Variants in CDH2 observed in about 807,000 individuals in gnomAD.
CDH2 encodes the protein cadherin 2.
Under a neutral mutation model 92.0 loss-of-function variants are expected in CDH2, and 17 were observed. The observed-to-expected ratio is 0.18, with a 90% CI of 0.13 to 0.28. CDH2 has a LOEUF of 0.28. Ranked by LOEUF, CDH2 falls within the 10% of genes least tolerant of loss-of-function variation. The pLI is 1.00. For missense variants in CDH2, 862 were observed against 1,133.1 expected, an observed-to-expected ratio of 0.76 and a Z score of 3.44; for synonymous variants, 419 against 415.9, an observed-to-expected ratio of 1.01 and a Z score of -0.09.
At chr18:28,091,264 C>T (rs533978095) in intron 2 of CDH2, among the ~76,000 whole-genome samples, 1 of 152,270 alleles carries the variant, frequency 6.6e-6, no homozygotes, top group South Asian at 2.1e-4. Flanking sequence ...TGTACTTTCT[C>T]CTCAATCCCT....
rs1439207761 is a variant in CDH2 at position 27,958,074 on chromosome 18, G to A, written c.2514+5283C>T. On this transcript the variant is annotated intron_variant, in intron 15 of 15. Transcript: ENST00000269141. ...AAAGATAATCTCGTTTAGTTCTCAC[G>A]CAATCTTAAAAGGAGGTTCTATTAC... 7.2e-5 allele frequency among the ~76,000 whole-genome samples: 11 copies of A among 152,038 alleles called. No homozygotes were observed. In the East Asian group the frequency reaches 1.4e-3, roughly 19 times the overall value.
chr18:27,963,655 G>A, intron 14 of CDH2, 134 bp from the exon 15 acceptor site: 1 of 674,636 alleles, frequency 1.5e-6, no homozygotes, highest in Non-Finnish European at 2.5e-6. Flanking sequence ...TTGCCACTAT[G>A]AGTTTTTCAT....
rs374197611 is a variant in CDH2 at position 27,988,413 on chromosome 18, A to G, written c.1741+111T>C. ...AATAAAAGCTGGACCTCGGAATTAT[A>G]AAAGTCAGTTTTCCAGGCAATTGAG... On this transcript the variant is annotated intron_variant, in intron 11 of 15. Transcript: ENST00000269141. 8 of 876,654 alleles carry G rather than the reference A, an allele frequency of 9.1e-6. No homozygotes were observed. In the South Asian group the frequency reaches 1.1e-4, roughly 12 times the overall value. 54.3% of individuals were successfully genotyped at this position (876,654 alleles called of 1,614,324 possible). A position where few individuals can be genotyped will look rare whatever the true frequency, so the allele number is the denominator to read the frequency against.
chr18:28,049,283 A>C (rs2014142677), intron 2 of CDH2, among the ~76,000 whole-genome samples: 1 of 152,220 alleles, frequency 6.6e-6, no homozygotes, highest in Non-Finnish European at 1.5e-5. Context: ...GACTACACAG[A>C]AACGTGCTAT....
At chr18:28,152,121 G>A (rs987804142) in intron 1 of CDH2, among the ~76,000 whole-genome samples, 2 of 152,118 alleles carry the variant, frequency 1.3e-5, no homozygotes, top group Non-Finnish European at 2.9e-5. Context: ...GTTAAGTTCC[G>A]TATCACATTG....
intron 15 of CDH2, among the ~76,000 whole-genome samples, chr18:27,953,015 A>G (rs1884370885): frequency 6.6e-6 from 1 of 152,214 alleles, no homozygotes; most frequent in East Asian, 1.9e-4. Context: ...TGATTACTAC[A>G]TAAAGGGAGG....
At position 28,176,945 on chromosome 18, in the gene CDH2, G is replaced by T. The variant is rs2144382166; in HGVS notation, c.60+18C>A. On this transcript the variant is annotated intron_variant, in intron 1 of 15. Transcript: ENST00000269141. ...CCCCACCCCGCCCGTGGCCCGGCCC[G>T]CGGGGACCGCCGCGTACCTGAAGCA... 3 of 1,211,894 alleles carry T rather than the reference G, an allele frequency of 2.5e-6. No homozygotes were observed. Among genetic ancestry groups the T allele is most frequent in the Admixed American group, 3.6e-5 (1 of 27,398 alleles). 75.1% of individuals were successfully genotyped at this position (1,211,894 alleles called of 1,614,324 possible).
intron 2 of CDH2, among the ~76,000 whole-genome samples, chr18:28,135,965 T>C (rs537599107): frequency 1.3e-5 from 2 of 152,324 alleles, no homozygotes; most frequent in African/African-American, 4.8e-5. Flanking sequence ...AATACATAGT[T>C]ACTTCCTTAC....
intron 2 of CDH2, among the ~76,000 whole-genome samples, chr18:28,082,546 T>C (rs1231946412): frequency 6.6e-6 from 1 of 152,148 alleles, no homozygotes; most frequent in African/African-American, 2.4e-5. Context: ...TTTTAATAGG[T>C]ACCCCCCATT....
At chr18:27,989,753 T>C (rs1459645044) in intron 10 of CDH2, among the ~76,000 whole-genome samples, 1 of 152,172 alleles carries the variant, frequency 6.6e-6, no homozygotes, top group Admixed American at 6.5e-5. Flanking sequence ...ATAAATGTTA[T>C]AAGCCTCTGA....
At position 28,177,090 on chromosome 18, in the gene CDH2, A is replaced by T. The variant is rs903474911; in HGVS notation, c.-68T>A. 3 of 1,197,368 alleles carry T rather than the reference A, an allele frequency of 2.5e-6. No individual in the cohort carries two copies. The Admixed American group carries it at 6.8e-5, about 27-fold the overall frequency. The allele number at this position is 1,197,368 out of a possible 1,614,324, so 74.2% of individuals were successfully genotyped here. A position where few individuals can be genotyped will look rare whatever the true frequency, so the allele number is the denominator to read the frequency against. ...GCGGCGGCGGCGGCGGCGGAGGAGGAGGAGGCAGCGGCAGCACCAACAGCG... is the reference window on the plus strand; with the variant it reads ...GCGGCGGCGGCGGCGGCGGAGGAGGTGGAGGCAGCGGCAGCACCAACAGCG... On this transcript the variant is annotated 5_prime_UTR_variant, in exon 1 of 16. Transcript: ENST00000269141.
At chr18:28,027,926 T>C (rs1266727379) in intron 2 of CDH2, among the ~76,000 whole-genome samples, 1 of 151,824 alleles carries the variant, frequency 6.6e-6, no homozygotes, top group Non-Finnish European at 1.5e-5. Flanking sequence ...TCTTTCAGAG[T>C]ACAGGTGGCG....
At chr18:28,010,029 G>A (rs1291846648) in intron 4 of CDH2, among the ~76,000 whole-genome samples, 157 bp from the exon 5 acceptor site, 2 of 152,098 alleles carry the variant, frequency 1.3e-5, no homozygotes, top group Non-Finnish European at 2.9e-5. Context: ...TTCTTCCTCT[G>A]CTTCTCAGTG....
intron 5 of CDH2, among the ~76,000 whole-genome samples, chr18:28,009,065 T>A (rs950887784): frequency 2.6e-5 from 4 of 151,848 alleles, no homozygotes; most frequent in African/African-American, 9.7e-5. Context: ...TATCCTGGAG[T>A]AAAACTGGGG....
intron 2 of CDH2, among the ~76,000 whole-genome samples, chr18:28,065,996 G>C (rs893182976): frequency 6.6e-6 from 1 of 152,178 alleles, no homozygotes; most frequent in Admixed American, 6.5e-5. Context: ...GGTGGAGCTA[G>C]GGGGATGACA....
chr18:28,172,087 G>T (rs2016473204), intron 1 of CDH2, among the ~76,000 whole-genome samples: 1 of 151,802 alleles, frequency 6.6e-6, no homozygotes, highest in Non-Finnish European at 1.5e-5. Flanking sequence ...GTGTGTGTGT[G>T]TGTGTGTGTG....
intron 6 of CDH2, among the ~76,000 whole-genome samples, chr18:27,936,248 A>G (rs940742085): frequency 1.3e-5 from 2 of 152,110 alleles, no homozygotes; most frequent in African/African-American, 2.4e-5. Context: ...TTTGCCTCTC[A>G]TAATAGCCTT....
chr18:28,088,270 T>C (rs1458641137), intron 2 of CDH2, among the ~76,000 whole-genome samples: 4 of 152,200 alleles, frequency 2.6e-5, no homozygotes, highest in Non-Finnish European at 5.9e-5. Context: ...TAAAGTCAAC[T>C]ACATTTTTGA....
At chr18:27,965,758 G>C (rs1363338545) in intron 14 of CDH2, among the ~76,000 whole-genome samples, 6 of 152,014 alleles carry the variant, frequency 3.9e-5, no homozygotes, top group Admixed American at 3.9e-4. Context: ...GCCAAGGCGG[G>C]TAGATCATAA....
Sources: allele counts gnomAD v4.1 joint callset (sites outside exome capture counted in the v4.1 genomes callset), GRCh38; gene constraint gnomAD v4.1.1; transcripts MANE v1.5; gene names NCBI Gene and HGNC (gene_info 2026-07-23, HGNC 2026-07-21).